The following TMOD1 variants were observed in gnomAD, a reference collection of about 807,000 sequenced individuals.
TMOD1 encodes the protein tropomodulin 1.
Under a neutral mutation model 40.6 loss-of-function variants are expected in TMOD1, and 17 were observed. The observed-to-expected ratio is 0.42, with a 90% confidence interval of 0.29 to 0.63. The LOEUF (loss-of-function observed/expected upper bound fraction) is 0.63, where lower values mean the gene tolerates loss of function less well. TMOD1 is among the 20% of genes least tolerant of loss of function. The pLI, the probability that TMOD1 is intolerant of heterozygous loss-of-function variation, is 0.22. For synonymous variants in TMOD1, 181 were observed against 175.0 expected, an observed-to-expected ratio of 1.03 and a Z score of -0.27; for missense variants, 391 against 447.6, an observed-to-expected ratio of 0.87 and a Z score of 1.14.
chr9:97,518,617 A>G (rs776647875), intron 1 of TMOD1, among the ~76,000 whole-genome samples: 38 of 152,220 alleles, frequency 2.5e-4, no homozygotes, highest in Non-Finnish European at 5.1e-4. Flanking sequence ...CCCTTGAGCC[A>G]GGCACCCCTC....
intron 7 of TMOD1, among the ~76,000 whole-genome samples, chr9:97,567,721 C>T (rs887614760): frequency 4.6e-5 from 7 of 152,178 alleles, no homozygotes; most frequent in African/African-American, 1.7e-4. Context: ...CAGAGACAGA[C>T]GCCATCATAG....
rs747227504 is a variant in TMOD1 at position 97,553,285 on chromosome 9, G to T, written c.282G>T (p.Lys94Asn). 1.2e-6 allele frequency: 2 copies of T among 1,614,118 alleles called. No homozygotes were observed. Among genetic ancestry groups the T allele is most frequent in the Admixed American group, 3.3e-5 (2 of 60,032 alleles). Residue 94 changes from lysine (K) to asparagine (N), a missense_variant, in exon 4 of 10, where the codon AAG (lysine) becomes AAT (asparagine). Physicochemically the swap from Lys to Asn is moderately conservative, Grantham distance 94 (BLOSUM62 0). Transcript: ENST00000259365. ...LVPYTGEKRG[K>N]VWVPKQKPLD... is the part of the protein sequence containing the mutation. ...AGGTCCCCTGTGTGTTTGCAGGAAA[G>T]GTCTGGGTTCCTAAGCAGAAGCCAC...
chr9:97,564,455 C>T (rs1236227134), intron 6 of TMOD1, among the ~76,000 whole-genome samples: 4 of 152,168 alleles, frequency 2.6e-5, no homozygotes, highest in Non-Finnish European at 5.9e-5. Flanking sequence ...AAACCTGCCA[C>T]GTTATTCAAA....
chr9:97,579,271 G>A (rs144425301), intron 8 of TMOD1, among the ~76,000 whole-genome samples: 1 of 152,226 alleles, frequency 6.6e-6, no homozygotes, highest in African/African-American at 2.4e-5. Context: ...TCCCAAGCAT[G>A]TTCCTGTTTC....
chr9:97,597,061 A>G (rs750467090), intron 9 of TMOD1, among the ~76,000 whole-genome samples: 10 of 152,290 alleles, frequency 6.6e-5, no homozygotes, highest in Non-Finnish European at 1.3e-4. Flanking sequence ...TTCCAAAAAC[A>G]TGATGGAAAT....
intron 2 of TMOD1, among the ~76,000 whole-genome samples, chr9:97,544,452 C>T (rs1830327548): frequency 2.0e-5 from 3 of 151,828 alleles, no homozygotes; most frequent in Admixed American, 2.0e-4. Context: ...AGAAGAATTG[C>T]TTGAACCCGG....
chr9:97,559,152 C>T (rs1017969187), intron 4 of TMOD1, among the ~76,000 whole-genome samples: 2 of 152,180 alleles, frequency 1.3e-5, no homozygotes, highest in Non-Finnish European at 2.9e-5. Flanking sequence ...CAGCACATCC[C>T]AGAACCCCCG....
intron 5 of TMOD1, 44 bp from the exon 6 acceptor site, chr9:97,563,994 C>G (rs774380482): frequency 1.9e-6 from 3 of 1,590,986 alleles, no homozygotes; most frequent in Admixed American, 3.5e-5. Context: ...AGAAAGTGAG[C>G]CCCTTGTTTC....
intron 8 of TMOD1, among the ~76,000 whole-genome samples, chr9:97,586,214 C>T (rs916455381): frequency 6.6e-6 from 1 of 152,156 alleles, no homozygotes; most frequent in Non-Finnish European, 1.5e-5. Flanking sequence ...TGTTAGTTTT[C>T]CTTCTAACAG....
At position 97,600,772 on chromosome 9, in the gene TMOD1, T is replaced by C. The variant is rs961624331; in HGVS notation, c.*1074T>C. 9.9e-7 allele frequency: 1 copy of C among 1,012,456 alleles called. No individual in the cohort carries two copies. Among genetic ancestry groups the C allele is most frequent in the Non-Finnish European group, 1.2e-6 (1 of 845,832 alleles). 62.7% of individuals were successfully genotyped at this position (1,012,456 alleles called of 1,614,324 possible). A position where few individuals can be genotyped will look rare whatever the true frequency, so the allele number is the denominator to read the frequency against. On this transcript the variant is annotated 3_prime_UTR_variant, in exon 10 of 10. Transcript: ENST00000259365. ...AAATCCTGGCCAAACCACCCCAAGA[T>C]GATTACACTGAAATGTAGTATTAGT... is the stretch of plus-strand genomic sequence containing the variant.
chr9:97,590,936 C>T (rs999687761), intron 8 of TMOD1, among the ~76,000 whole-genome samples: 1 of 152,282 alleles, frequency 6.6e-6, no homozygotes, highest in East Asian at 1.9e-4. Context: ...TGGGGTATAG[C>T]CCGGACAGCA....
In TMOD1 at chr9:97,601,008, G is replaced by A; in HGVS notation, c.*1310G>A. On this transcript the variant is annotated 3_prime_UTR_variant, in exon 10 of 10. Transcript: ENST00000259365. ...AGAACTCCAGAGCACTGAGCAGAGA[G>A]GCTGGTGATGAAAAGGTGAAGGCCT... 1 of 1,289,064 alleles carries A rather than the reference G, an allele frequency of 7.8e-7. No homozygotes were observed. Among genetic ancestry groups the A allele is most frequent in the Non-Finnish European group, 1.0e-6 (1 of 980,162 alleles). The allele number at this position is 1,289,064 out of a possible 1,614,324, so 79.9% of individuals were successfully genotyped here.
chr9:97,572,796 CCAGGGTGA>C (rs1830842307), intron 8 of TMOD1, among the ~76,000 whole-genome samples: 1 of 152,062 alleles, frequency 6.6e-6, no homozygotes, highest in Admixed American at 6.5e-5. Flanking sequence ...GGAGTTCTGC[CCAGGGTGA>C]CACGGAGCTG....
At chr9:97,599,550 G>C (rs543924847) in intron 9 of TMOD1, 84 bp from the exon 10 acceptor site, 1 of 1,572,942 alleles carries the variant, frequency 6.4e-7, no homozygotes, top group South Asian at 1.1e-5. Flanking sequence ...TTAGTGCGAG[G>C]TTTCACAGTG....
At chr9:97,540,641 T>C (rs1426065467) in intron 2 of TMOD1, among the ~76,000 whole-genome samples, 2 of 152,232 alleles carry the variant, frequency 1.3e-5, no homozygotes, top group African/African-American at 4.8e-5. Flanking sequence ...GTATAATACA[T>C]GGCCTTTTGT....
At chr9:97,543,091 T>C (rs962152690) in intron 2 of TMOD1, among the ~76,000 whole-genome samples, 1 of 152,118 alleles carries the variant, frequency 6.6e-6, no homozygotes, top group African/African-American at 2.4e-5. Context: ...ACCAGATAGA[T>C]TCGAAAAGAG....
At chr9:97,584,721 C>T (rs918948470) in intron 8 of TMOD1, among the ~76,000 whole-genome samples, 2 of 151,962 alleles carry the variant, frequency 1.3e-5, no homozygotes, top group Non-Finnish European at 1.5e-5. Flanking sequence ...ATAGTTAGCT[C>T]TTCTTGTTGA....
intron 3 of TMOD1, among the ~76,000 whole-genome samples, chr9:97,552,855 G>C (rs1452172110): frequency 6.6e-6 from 1 of 152,102 alleles, no homozygotes; most frequent in Non-Finnish European, 1.5e-5. Flanking sequence ...ATGAGGCAAG[G>C]ATGCATTATT....
chr9:97,573,960 C>T (rs1232802670), intron 8 of TMOD1, among the ~76,000 whole-genome samples: 1 of 152,216 alleles, frequency 6.6e-6, no homozygotes, highest in African/African-American at 2.4e-5. Flanking sequence ...AAGAATTTTG[C>T]AGATATTAAG....
Sources: allele counts gnomAD v4.1 joint callset (sites outside exome capture counted in the v4.1 genomes callset), GRCh38; gene constraint gnomAD v4.1.1; transcripts MANE v1.5; gene names NCBI Gene and HGNC (gene_info 2026-07-23, HGNC 2026-07-21).